ARFGEF2: variants seen among roughly 807,000 people sequenced by gnomAD.
ARFGEF2 encodes brefeldin A-inhibited guanine nucleotide-exchange protein 2.
ARFGEF2 carries 74 observed loss-of-function variants against 219.9 expected under a neutral mutation model. The ratio of observed to expected loss-of-function variants is 0.34; its 90% CI spans 0.28 to 0.41. The LOEUF (loss-of-function observed/expected upper bound fraction) is 0.41. ARFGEF2 is among the 10% of genes least tolerant of loss of function. The probability of loss-of-function intolerance (pLI) is 1.00; values close to 1 mark genes in which losing one functional copy is unlikely to be tolerated. For missense variants in ARFGEF2, 1,743 were observed against 2,218.3 expected, an observed-to-expected ratio of 0.79 and a Z score of 4.30; for synonymous variants, 733 against 799.2, an observed-to-expected ratio of 0.92 and a Z score of 1.40.
intron 34 of ARFGEF2, among the ~76,000 whole-genome samples, chr20:49,019,875 C>T (rs6012584): frequency 1.3e-5 from 2 of 152,094 alleles, no homozygotes; most frequent in Non-Finnish European, 2.9e-5. Flanking sequence ...ACTAGAAATC[C>T]TTTTTCTGAT....
At chr20:48,970,088 G>A (rs2091215362) in intron 9 of ARFGEF2, among the ~76,000 whole-genome samples, 1 of 152,122 alleles carries the variant, frequency 6.6e-6, no homozygotes, top group Non-Finnish European at 1.5e-5. Context: ...GCCAAGGCGG[G>A]TGGATCACTT....
rs1054022156 is a variant in ARFGEF2, at chr20:48,994,305, T to C, written c.2974-146T>C. 3.1e-5 allele frequency: 30 copies of C among 956,132 alleles called. 1 individual carries two copies. The highest frequency in any genetic ancestry group is 2.3e-4 in the Middle Eastern group (1 of 4,270). The allele number at this position is 956,132 out of a possible 1,614,324, so 59.2% of individuals were successfully genotyped here. A position where few individuals can be genotyped will look rare whatever the true frequency, so the allele number is the denominator to read the frequency against. ...CCCAGTCAAATGCTTTTTCTCTCTTTATTGAGAGCTTACTAAATTTGCATA... is the reference window on the plus strand; with the variant it reads ...CCCAGTCAAATGCTTTTTCTCTCTTCATTGAGAGCTTACTAAATTTGCATA... On this transcript the variant is annotated intron_variant, in intron 21 of 38. Transcript: ENST00000371917.
Position 48,963,858 on chromosome 20 carries a change from G to A in ARFGEF2, c.867G>A (p.Val289=). 6.2e-7 allele frequency: 1 copy of A among 1,614,022 alleles called. No homozygotes were observed. Among genetic ancestry groups the A allele is most frequent in the African/African-American group, 1.3e-5 (1 of 74,990 alleles). ...CTGATGACGGAGCCCAGGAGGTGGT[G>A]AAGGACATCTTGGAAGATGTAGTCA... The part of the protein sequence containing the change: ...SGTDDGAQEV[V]KDILEDVVTS... The change falls in exon 7 of 39, where the codon GTG becomes GTA. Residue 289 remains valine, a synonymous_variant. Transcript: ENST00000371917.
chr20:48,991,236 T>A, intron 21 of ARFGEF2, 38 bp downstream of exon 21: 1 of 1,612,808 alleles, frequency 6.2e-7, no homozygotes, highest in Non-Finnish European at 8.5e-7. Flanking sequence ...TCAGTTAGGA[T>A]GACTCCTGGC....
intron 34 of ARFGEF2, among the ~76,000 whole-genome samples, chr20:49,022,154 CA>C (rs58870256): frequency 0.012 from 858 of 70,162 alleles, no homozygotes; most frequent in African/African-American, 0.019. Flanking sequence ...GACTCCGTCT[CA>C]AAAAAAAAAA....
At chr20:48,984,645 A>T in intron 14 of ARFGEF2, 84 bp from the exon 15 acceptor site, 1 of 1,517,048 alleles carries the variant, frequency 6.6e-7, no homozygotes, top group South Asian at 1.1e-5. Flanking sequence ...ATAGTATTCT[A>T]TTATTATTTA....
At chr20:48,983,172 C>A (rs2123447819) in intron 14 of ARFGEF2, among the ~76,000 whole-genome samples, 1 of 152,292 alleles carries the variant, frequency 6.6e-6, no homozygotes, top group African/African-American at 2.4e-5. Context: ...TTTTCTGAAC[C>A]ATTTTGAAAG....
chr20:48,973,213 C>T lies in ARFGEF2; in HGVS notation c.1594C>T (p.Arg532Cys). ...CDLNAANIFE[R>C]LVNDLSKIAQ... ...TTTAAATGCTGCTAACATTTTTGAG[C>T]GCCTTGTAAATGATTTATCCAAAAT... Residue 532 changes from arginine (R) to cysteine (C), a missense_variant, in exon 12 of 39, where the codon CGC becomes TGC. Arg to Cys is a radical substitution (Grantham distance 180). This residue lies in a region of ARFGEF2 where 666 missense variants were observed against 955.4 expected (regional missense o/e 0.70). Coordinates refer to ENST00000371917, the MANE Select transcript of ARFGEF2 (RefSeq NM_006420.3). 5.0e-6 allele frequency: 8 copies of T among 1,614,050 alleles called. No individual in the cohort carries two copies. Among genetic ancestry groups the T allele is most frequent in the South Asian group, 1.1e-5 (1 of 91,088 alleles).
chr20:48,985,835 G>A (rs1204375613), intron 16 of ARFGEF2, among the ~76,000 whole-genome samples: 1 of 152,180 alleles, frequency 6.6e-6, no homozygotes, highest in Non-Finnish European at 1.5e-5. Flanking sequence ...GACCAGAGAG[G>A]TTAACTTGCC....
intron 25 of ARFGEF2, among the ~76,000 whole-genome samples, chr20:49,001,852 A>G (rs754492712): frequency 9.2e-5 from 14 of 152,220 alleles, no homozygotes; most frequent in South Asian, 2.1e-4. Flanking sequence ...AAAATTATAC[A>G]TAGCATTTTG....
rs763801014 is a variant in ARFGEF2 at position 49,006,877 on chromosome 20, G to GT, written c.3584+1661dup. ...CTGTGAAAGATGGAAGCCGTTGGAG[G>GT]TTTTTGTTTTTTTTTTTGACGGAGT... On this transcript the variant is annotated intron_variant, in intron 26 of 38. Transcript: ENST00000371917. Among the ~76,000 whole-genome samples the GT allele has an allele frequency of 2.5e-3, 361 of 147,072 alleles. 6 individuals are homozygous for GT. Among genetic ancestry groups the GT allele is most frequent in the Middle Eastern group, 0.01 (3 of 286 alleles).
At chr20:49,028,979 T>TA (rs1250056128) in intron 37 of ARFGEF2, among the ~76,000 whole-genome samples, 9 of 152,252 alleles carry the variant, frequency 5.9e-5, no homozygotes, top group African/African-American at 2.2e-4. Context: ...TGACTGTGGC[T>TA]AGAGCCCTGT....
chr20:48,926,191 T>C lies in ARFGEF2; in HGVS notation c.121+4181T>C, dbSNP rs187351675. On this transcript the variant is annotated intron_variant, in intron 1 of 38. Transcript: ENST00000371917. ...AACTATTACTACCATGTTTTCTTGC[T>C]TCTCCATATGAAAGTTGTTATGTTT... Among the ~76,000 whole-genome samples, 24 of 152,332 alleles carry C rather than the reference T, an allele frequency of 1.6e-4. No individual in the cohort carries two copies. The East Asian group carries it at 4.4e-3, about 28-fold the overall frequency.
intron 6 of ARFGEF2, 22 bp from the exon 7 acceptor site, chr20:48,963,808 G>T: frequency 6.2e-7 from 1 of 1,611,654 alleles, no homozygotes; most frequent in East Asian, 2.2e-5. Context: ...CGTGTGTTTT[G>T]TATATTTGGA....
At chr20:48,982,893 C>T (rs958840814) in intron 14 of ARFGEF2, among the ~76,000 whole-genome samples, 1 of 152,200 alleles carries the variant, frequency 6.6e-6, no homozygotes, top group African/African-American at 2.4e-5. Context: ...TTTCCAGGTA[C>T]AGTCTGTCAT....
intron 12 of ARFGEF2, 66 bp from the exon 13 acceptor site, chr20:48,974,700 C>A: frequency 1.5e-6 from 2 of 1,314,524 alleles, no homozygotes; most frequent in Non-Finnish European, 2.1e-6. Context: ...TCCCAGAAAG[C>A]CTCGTAGATG....
intron 6 of ARFGEF2, among the ~76,000 whole-genome samples, chr20:48,959,049 T>C (rs1392240586): frequency 2.6e-5 from 4 of 152,220 alleles, no homozygotes; most frequent in Admixed American, 6.5e-5. Context: ...AGTAGTCTCC[T>C]GGTTTTTAAA....
At chr20:48,963,749 C>T in intron 6 of ARFGEF2, 81 bp from the exon 7 acceptor site, 2 of 1,381,658 alleles carry the variant, frequency 1.4e-6, no homozygotes, top group Non-Finnish European at 1.0e-6. Context: ...AATGTAACTC[C>T]CCATAATCTC....
Position 49,016,439 on chromosome 20 carries a change from C to G in ARFGEF2, c.4315+24C>G, listed in dbSNP as rs370463609. The G allele has an allele frequency of 5.1e-5, 82 of 1,607,970 alleles. 1 individual carries two copies. Among genetic ancestry groups the G allele is most frequent in the Non-Finnish European group, 2.2e-5 (26 of 1,179,680 alleles). On this transcript the variant is annotated intron_variant, in intron 31 of 38. Transcript: ENST00000371917. ...AGGTACTCTTTAAGCCTCTAGGCAT[C>G]ATTTTTCTTACATAGTCTTTAATGA...
Sources: gnomAD v4.1 joint callset for allele counts (sites outside exome capture counted in the v4.1 genomes callset) on GRCh38, gnomAD v4.1.1 for gene constraint, gnomAD v4.1.1 regional missense constraint, MANE v1.5 for transcripts, NCBI Gene and HGNC (gene_info 2026-07-23, HGNC 2026-07-21) for gene names.